OXR1: variants seen among roughly 807,000 people sequenced by gnomAD.
OXR1 encodes oxidation resistance protein 1.
In OXR1, 41 loss-of-function variants were observed where a neutral mutation model predicts 104.6. The observed-to-expected ratio is 0.39, with a 90% CI of 0.31 to 0.51. The LOEUF is 0.51. OXR1 is among the 20% of genes least tolerant of loss of function. The probability of loss-of-function intolerance (pLI) is 0.77; values close to 1 mark genes in which losing one functional copy is unlikely to be tolerated. For missense variants in OXR1, 955 were observed against 1,031.9 expected (o/e 0.93, Z 1.02); for synonymous variants, 348 against 348.4 (o/e 1.00, Z 0.01).
intron 3 of OXR1, among the ~76,000 whole-genome samples, chr8:106,676,007 T>A (rs1827550031): frequency 6.6e-6 from 1 of 152,166 alleles, no homozygotes; most frequent in Non-Finnish European, 1.5e-5. Flanking sequence ...GATAGTTAGA[T>A]CTTACGAATT....
intron 3 of OXR1, among the ~76,000 whole-genome samples, chr8:106,609,334 A>G (rs1820640464): frequency 6.6e-6 from 1 of 152,194 alleles, no homozygotes; most frequent in African/African-American, 2.4e-5. Flanking sequence ...AGAAGCATCA[A>G]AGCAAGTGCT....
At chr8:106,390,895 T>C (rs1021383136) in intron 2 of OXR1, among the ~76,000 whole-genome samples, 6 of 152,198 alleles carry the variant, frequency 3.9e-5, no homozygotes, top group Non-Finnish European at 8.8e-5. Flanking sequence ...ATTTGCTCTT[T>C]GGAAGCCCCC....
chr8:106,607,608 A>G (rs1820497722), intron 3 of OXR1, among the ~76,000 whole-genome samples: 1 of 152,116 alleles, frequency 6.6e-6, no homozygotes, highest in African/African-American at 2.4e-5. Flanking sequence ...TCTTCCTTAA[A>G]TCGATCCTTC....
chr8:106,510,855 A>G (rs567883027), intron 2 of OXR1, among the ~76,000 whole-genome samples: 3 of 152,198 alleles, frequency 2.0e-5, no homozygotes, highest in Non-Finnish European at 4.4e-5. Context: ...ATAACAAACT[A>G]TCTAGTTTCA....
At chr8:106,294,412 A>AAAAAAAAAAAAAAG (rs71307051) in intron 1 of OXR1, among the ~76,000 whole-genome samples, 1 of 131,406 alleles carries the variant, frequency 7.6e-6, no homozygotes, top group African/African-American at 2.9e-5. Context: ...AAAAAAAAAA[A>AAAAAAAAAAAAAAG]AAAGAAAGAA....
At chr8:106,740,518 ATTGCTTATCC>A in intron 14 of OXR1, 23 bp downstream of exon 14, 2 of 1,591,314 alleles carry the variant, frequency 1.3e-6, no homozygotes, top group Non-Finnish European at 1.7e-6. Context: ...AACTGCATAG[ATTGCTTATCC>A]TTTAAGAGCA....
chr8:106,315,462 A>G (rs537983803), intron 1 of OXR1, among the ~76,000 whole-genome samples: 1 of 152,300 alleles, frequency 6.6e-6, no homozygotes, highest in South Asian at 2.1e-4. Context: ...CTCCTAACAA[A>G]CTAATTTGTA....
At chr8:106,325,921 A>G (rs1814451165) in intron 1 of OXR1, among the ~76,000 whole-genome samples, 1 of 152,226 alleles carries the variant, frequency 6.6e-6, no homozygotes, top group East Asian at 1.9e-4. Context: ...AGAAGAATAC[A>G]TTTAGGTGAT....
At chr8:106,278,972 G>C (rs1812172464) in intron 1 of OXR1, among the ~76,000 whole-genome samples, 1 of 152,092 alleles carries the variant, frequency 6.6e-6, no homozygotes, top group Non-Finnish European at 1.5e-5. Context: ...TGGGAGGTGG[G>C]GGAGATACTT....
At chr8:106,430,139 G>C (rs1264936368) in intron 2 of OXR1, among the ~76,000 whole-genome samples, 6 of 151,948 alleles carry the variant, frequency 3.9e-5, no homozygotes, top group African/African-American at 1.5e-4. Context: ...ATAATCCCTT[G>C]CAAAATGAAT....
At chr8:106,349,005 A>G (rs1403392568) in intron 1 of OXR1, among the ~76,000 whole-genome samples, 2 of 152,188 alleles carry the variant, frequency 1.3e-5, no homozygotes, top group Non-Finnish European at 2.9e-5. Context: ...GTTAGAGACA[A>G]GTTTGAAGGC....
chr8:106,535,358 G>C (rs1814431619), intron 3 of OXR1, among the ~76,000 whole-genome samples: 1 of 152,164 alleles, frequency 6.6e-6, no homozygotes, highest in Middle Eastern at 3.2e-3. Context: ...CTGGACATCT[G>C]TAGAGGAGCT....
intron 6 of OXR1, among the ~76,000 whole-genome samples, chr8:106,686,287 T>TAAAAAAA (rs34055157): frequency 6.9e-6 from 1 of 144,742 alleles, no homozygotes. Flanking sequence ...GGAAAATAAT[T>TAAAAAAA]AAAAAAAAAA....
intron 2 of OXR1, among the ~76,000 whole-genome samples, chr8:106,380,029 C>T (rs1176657733): frequency 1.3e-5 from 2 of 151,974 alleles, no homozygotes; most frequent in African/African-American, 2.4e-5. Flanking sequence ...GCTTTTATTG[C>T]CACAATTTTA....
intron 1 of OXR1, among the ~76,000 whole-genome samples, chr8:106,358,191 G>T (rs2130331625): frequency 6.6e-6 from 1 of 152,348 alleles, no homozygotes; most frequent in South Asian, 2.1e-4. Context: ...ACATGATTGA[G>T]AAGGGTGGAC....
intron 1 of OXR1, among the ~76,000 whole-genome samples, chr8:106,316,862 A>G (rs1244537828): frequency 2.0e-5 from 3 of 151,722 alleles, no homozygotes; most frequent in Non-Finnish European, 4.4e-5. Context: ...TTATTTATTT[A>G]CTTATTTATT....
chr8:106,487,787 G>A (rs1047722683), intron 2 of OXR1, among the ~76,000 whole-genome samples: 3 of 151,632 alleles, frequency 2.0e-5, no homozygotes, highest in East Asian at 3.9e-4. Context: ...ATTCCATGGT[G>A]TATATGTGCC....
intron 6 of OXR1, among the ~76,000 whole-genome samples, chr8:106,691,477 C>T (rs10092665): frequency 0.017 from 2,623 of 151,656 alleles, 53 homozygotes; most frequent in African/African-American, 0.06. Flanking sequence ...ATCTCATATT[C>T]TTTTTAAAAG....
At chr8:106,533,661 T>G (rs779716039) in intron 3 of OXR1, among the ~76,000 whole-genome samples, 3 of 152,056 alleles carry the variant, frequency 2.0e-5, no homozygotes, top group African/African-American at 7.2e-5. Flanking sequence ...GGCTCAGGAC[T>G]TGAAGGCAGT....
Sources: allele counts gnomAD v4.1 joint callset (sites outside exome capture counted in the v4.1 genomes callset), GRCh38; gene constraint gnomAD v4.1.1; transcripts MANE v1.5; gene names NCBI Gene and HGNC (gene_info 2026-07-23, HGNC 2026-07-21).